PCDHGA5: variants seen among roughly 807,000 people sequenced by gnomAD.
PCDHGA5 encodes the protein protocadherin gamma subfamily A, 5.
Under a neutral mutation model 56.7 loss-of-function variants are expected in PCDHGA5, and 36 were observed. That is an observed-to-expected ratio of 0.64 (90% CI 0.49 to 0.84). The LOEUF (loss-of-function observed/expected upper bound fraction) is 0.84, where lower values mean the gene tolerates loss of function less well. Ranked by LOEUF, PCDHGA5 falls within the 40% of genes least tolerant of loss-of-function variation. The pLI is 0.00. For missense variants in PCDHGA5, 1,305 were observed against 1,201.5 expected, an observed-to-expected ratio of 1.09 and a Z score of -1.27; for synonymous variants, 563 against 520.2, an observed-to-expected ratio of 1.08 and a Z score of -1.12.
At chr5:141,375,843 T>A (rs762152746) in intron 1 of PCDHGA5, 20 of 1,613,928 alleles carry the variant, frequency 1.2e-5, no homozygotes, top group Non-Finnish European at 1.6e-5. Context: ...CCCGGCTACC[T>A]GGTGACCAAG....
intron 1 of PCDHGA5, chr5:141,392,786 T>C: frequency 5.2e-6 from 8 of 1,550,412 alleles, no homozygotes; most frequent in Non-Finnish European, 7.0e-6. Flanking sequence ...CAGTGAAGAT[T>C]CTGAGAGGAT....
At chr5:141,384,519 G>T in intron 1 of PCDHGA5, 3 of 1,614,220 alleles carry the variant, frequency 1.9e-6, no homozygotes, top group Non-Finnish European at 2.5e-6. Context: ...GCGGGGACCC[G>T]CCTCTCAGCA....
At position 141,431,952 on chromosome 5, in the gene PCDHGA5, AC is replaced by A; in HGVS notation, c.2422-62854del. ...CTGCCCTTTAAATTAGAAAAATCTTACGGAAATTACTATAGTTTAGTCACAG... is the reference window on the plus strand; with the variant it reads ...CTGCCCTTTAAATTAGAAAAATCTTAGGAAATTACTATAGTTTAGTCACAG... On this transcript the variant is annotated intron_variant, in intron 1 of 3. Transcript: ENST00000518069. This position sits in a 1 kb window ranked among gnomAD's most constrained non-coding sequence, Gnocchi z 4.8. 1 of 1,614,166 alleles carries A rather than the reference AC, an allele frequency of 6.2e-7. No homozygotes were observed. The highest frequency in any genetic ancestry group is 1.1e-5 in the South Asian group (1 of 91,090).
intron 1 of PCDHGA5, chr5:141,421,947 C>T: frequency 6.2e-7 from 1 of 1,613,118 alleles, no homozygotes; most frequent in African/African-American, 1.3e-5. Context: ...ATGATCACAT[C>T]CCAATGTTTA....
rs1460389320 is a variant in PCDHGA5 at position 141,490,134 on chromosome 5, C to T, written c.2422-4673C>T. The T allele has an allele frequency of 2.5e-6, 4 of 1,614,114 alleles. No homozygotes were observed. Among genetic ancestry groups the T allele is most frequent in the Admixed American group, 3.3e-5 (2 of 59,998 alleles). ...GGAACCTCTTTGGCCTAGACCCTAG[C>T]AGTGGGGCAATCCATGTGTTGGGTC... On this transcript the variant is annotated intron_variant, in intron 1 of 3. Coordinates refer to ENST00000518069, the MANE Select transcript of PCDHGA5 (RefSeq NM_018918.3). This position sits in a 1 kb window ranked among gnomAD's most constrained non-coding sequence, Gnocchi z 5.4.
In PCDHGA5 at chr5:141,422,942, G is replaced by T. The variant is rs199976232; in HGVS notation, c.2421+56191G>T. On this transcript the variant is annotated intron_variant, in intron 1 of 3. Transcript: ENST00000518069. Reference sequence around the variant, plus strand: ...CTGTACCCTGCCCTCCCCACAGACGGCTCCACTGGCGTGGAGCTGGCGCCC... The same window carrying T: ...CTGTACCCTGCCCTCCCCACAGACGTCTCCACTGGCGTGGAGCTGGCGCCC... The T allele has an allele frequency of 3.6e-4, 583 of 1,614,096 alleles. 1 individual carries two copies. Among genetic ancestry groups the T allele is most frequent in the South Asian group, 5.2e-4 (47 of 91,090 alleles).
intron 1 of PCDHGA5, chr5:141,423,979 G>A: frequency 9.0e-7 from 1 of 1,115,484 alleles, no homozygotes. Flanking sequence ...CAGTGTATGA[G>A]GCTCTCAATT....
rs1354193643 is a variant in PCDHGA5, at chr5:141,366,233, A to T, written c.1903A>T (p.Arg635Ter). 1 of 1,613,792 alleles carries T rather than the reference A, an allele frequency of 6.2e-7. No individual in the cohort carries two copies. Among genetic ancestry groups the T allele is most frequent in the Admixed American group, 1.7e-5 (1 of 60,032 alleles). ...EVRTARALLD[R>*]DALKQSLVVA... ...GCGCACAGCGCGAGCCCTGCTGGAC[A>T]GAGACGCGCTCAAGCAGAGCCTCGT... Residue 635 changes from arginine to a stop codon, truncating the protein, a stop_gained, in exon 1 of 4, where the codon AGA becomes TGA. Coordinates refer to ENST00000518069, the MANE Select transcript of PCDHGA5 (RefSeq NM_018918.3). LOFTEE classifies it high-confidence loss of function.
intron 1 of PCDHGA5, chr5:141,403,625 A>G (rs2094436092): frequency 6.2e-7 from 1 of 1,613,818 alleles, no homozygotes; most frequent in African/African-American, 1.3e-5. Context: ...TCGCTCCAGC[A>G]CAGTGCGCAT....
intron 1 of PCDHGA5, among the ~76,000 whole-genome samples, chr5:141,387,209 T>C (rs911946032): frequency 1.3e-5 from 2 of 152,170 alleles, no homozygotes; most frequent in African/African-American, 4.8e-5. Flanking sequence ...ACTGATACTC[T>C]CCGGAAAAAG....
Position 141,365,896 on chromosome 5 carries a change from T to A in PCDHGA5, c.1566T>A (p.Tyr522Ter). 6.2e-6 allele frequency: 10 copies of A among 1,614,212 alleles called. No homozygotes were observed. Among genetic ancestry groups the A allele is most frequent in the Non-Finnish European group, 8.5e-6 (10 of 1,180,028 alleles). Residue 522 changes from tyrosine to a stop codon, truncating the protein, a stop_gained, in exon 1 of 4, where the codon TAT becomes TAA. Coordinates refer to ENST00000518069, the MANE Select transcript of PCDHGA5 (RefSeq NM_018918.3). LOFTEE classifies it high-confidence loss of function. Reference sequence around the variant, plus strand: ...TGTATGCTCTGAGATCCTTCGACTATGAGCAGTTGAGAGACCTACAGTTGT... The same window carrying A: ...TGTATGCTCTGAGATCCTTCGACTAAGAGCAGTTGAGAGACCTACAGTTGT... ...GVLYALRSFD[Y>*]EQLRDLQLWV...
At chr5:141,488,660 G>A (rs1274725688) in intron 1 of PCDHGA5, among the ~76,000 whole-genome samples, 1 of 152,148 alleles carries the variant, frequency 6.6e-6, no homozygotes, top group East Asian at 1.9e-4. Flanking sequence ...GGGAGGGTGG[G>A]GGAATACATG....
chr5:141,384,822 C>T (rs149266522), intron 1 of PCDHGA5: 80 of 1,613,436 alleles, frequency 5.0e-5, no homozygotes, highest in Admixed American at 3.2e-4. Flanking sequence ...TCAAGCAGAG[C>T]CTCGTGGTGG....
intron 1 of PCDHGA5, chr5:141,388,607 G>A (rs943233962): frequency 6.2e-7 from 1 of 1,613,904 alleles, no homozygotes; most frequent in Non-Finnish European, 8.5e-7. Context: ...ATGCTCCAGT[G>A]TTCAGTCAAG....
In PCDHGA5 at chr5:141,476,336, C is replaced by A; in HGVS notation, c.2422-18471C>A. 18 of 1,614,008 alleles carry A rather than the reference C, an allele frequency of 1.1e-5. No homozygotes were observed. Among genetic ancestry groups the A allele is most frequent in the Non-Finnish European group, 1.5e-5 (18 of 1,180,008 alleles). ...GTTCCGGGTGGTGTCTGGAGCTAGC[C>A]GAAGATTCTTTGAGGTGAACCGGGA... On this transcript the variant is annotated intron_variant, in intron 1 of 3. Coordinates refer to ENST00000518069, the MANE Select transcript of PCDHGA5 (RefSeq NM_018918.3). The surrounding 1 kb of genome is among the most constrained non-coding windows in gnomAD (Gnocchi z 7.6).
At chr5:141,504,147 T>C (rs2099836026) in intron 2 of PCDHGA5, among the ~76,000 whole-genome samples, 1 of 152,198 alleles carries the variant, frequency 6.6e-6, no homozygotes, top group South Asian at 2.1e-4. Flanking sequence ...CCCCTGCAAA[T>C]TGAAATAATT....
At chr5:141,412,935 G>T in intron 1 of PCDHGA5, 1 of 453,864 alleles carries the variant, frequency 2.2e-6, no homozygotes, top group East Asian at 3.4e-5. Flanking sequence ...AACTTCTTAG[G>T]ACTCTGAGCG....
chr5:141,472,838 T>C (rs1457889821), intron 1 of PCDHGA5, among the ~76,000 whole-genome samples: 1 of 151,464 alleles, frequency 6.6e-6, no homozygotes, highest in Non-Finnish European at 1.5e-5. Context: ...AATAGAAAAT[T>C]AGCTGGGCAT....
Position 141,511,464 on chromosome 5 carries a change from C to G in PCDHGA5, c.*291C>G. 1.9e-6 allele frequency: 1 copy of G among 538,254 alleles called. No individual in the cohort carries two copies. The highest frequency in any genetic ancestry group is 2.1e-5 in the South Asian group (1 of 47,028). The allele number at this position is 538,254 out of a possible 1,614,324, so 33.3% of individuals were successfully genotyped here. On this transcript the variant is annotated 3_prime_UTR_variant, in exon 4 of 4. Transcript: ENST00000518069. ...ACACCAAGAACCATTTGCCACACCC[C>G]GTTTAGTTACAGCTGAACTCCTCCA...
Sources: allele counts gnomAD v4.1 joint callset (sites outside exome capture counted in the v4.1 genomes callset), GRCh38; gene constraint gnomAD v4.1.1; non-coding constraint Gnocchi (gnomAD v3.1); transcripts MANE v1.5; gene names NCBI Gene and HGNC (gene_info 2026-07-23, HGNC 2026-07-21).